The following TEAD1 variants were observed in gnomAD, a reference collection of about 807,000 sequenced individuals.
TEAD1 encodes TEA domain transcription factor 1, also known as transcriptional enhancer factor TEF-1.
TEAD1 carries 9 observed loss-of-function variants against 54.9 expected under a neutral mutation model. That is an observed-to-expected ratio of 0.16 (90% CI 0.10 to 0.29). The LOEUF is 0.29. Among genes scored for constraint, TEAD1 ranks in the 10% least tolerant of loss-of-function variants. TEAD1 has a pLI of 1.00. For missense variants in TEAD1, 387 were observed against 535.9 expected, an observed-to-expected ratio of 0.72 and a Z score of 2.74; for synonymous variants, 200 against 187.8, an observed-to-expected ratio of 1.07 and a Z score of -0.53.
At chr11:12,772,818 C>G (rs528821011) in intron 3 of TEAD1, among the ~76,000 whole-genome samples, 2 of 152,072 alleles carry the variant, frequency 1.3e-5, no homozygotes, top group Non-Finnish European at 2.9e-5. Flanking sequence ...TACTTGAACT[C>G]GTTTGTGTGT....
intron 3 of TEAD1, among the ~76,000 whole-genome samples, chr11:12,780,414 T>G (rs562820669): frequency 6.6e-6 from 1 of 152,072 alleles, no homozygotes; most frequent in East Asian, 1.9e-4. Context: ...CAGCTAAGTT[T>G]TGTATTTTTA....
At chr11:12,826,377 G>A (rs754304600) in intron 3 of TEAD1, among the ~76,000 whole-genome samples, 1 of 152,118 alleles carries the variant, frequency 6.6e-6, no homozygotes, top group Non-Finnish European at 1.5e-5. Context: ...TAAAGTTGTG[G>A]GACTTTGTAC....
chr11:12,760,975 C>G (rs1945091537), intron 2 of TEAD1, among the ~76,000 whole-genome samples: 1 of 152,186 alleles, frequency 6.6e-6, no homozygotes, highest in Non-Finnish European at 1.5e-5. Flanking sequence ...GATTATGTAT[C>G]TGGTAGTTTC....
chr11:12,930,361 G>A (rs1948991106), intron 12 of TEAD1, 35 bp downstream of exon 12: 1 of 1,613,146 alleles, frequency 6.2e-7, no homozygotes, highest in Non-Finnish European at 8.5e-7. Flanking sequence ...GTGGGCAGAT[G>A]CTGCCATGAG....
intron 2 of TEAD1, among the ~76,000 whole-genome samples, chr11:12,678,018 G>T (rs980330820): frequency 6.6e-6 from 1 of 152,200 alleles, no homozygotes; most frequent in African/African-American, 2.4e-5. Flanking sequence ...CAGACAGTAG[G>T]TGGATAACAC....
At chr11:12,903,519 A>G (rs1340103695) in intron 10 of TEAD1, among the ~76,000 whole-genome samples, 2 of 152,158 alleles carry the variant, frequency 1.3e-5, no homozygotes, top group African/African-American at 4.8e-5. Flanking sequence ...TCCATTATTG[A>G]AATTTGGTTA....
chr11:12,920,384 G>T (rs1948782796), intron 10 of TEAD1, among the ~76,000 whole-genome samples: 1 of 152,020 alleles, frequency 6.6e-6, no homozygotes, highest in Admixed American at 6.6e-5. Flanking sequence ...CTGTTTTAAG[G>T]TTGACAGTTT....
intron 2 of TEAD1, among the ~76,000 whole-genome samples, chr11:12,699,773 A>G (rs1429774479): frequency 6.6e-6 from 1 of 152,256 alleles, no homozygotes. Flanking sequence ...TTCGGTAACC[A>G]GAGACTCTAG....
intron 3 of TEAD1, among the ~76,000 whole-genome samples, chr11:12,816,963 T>A (rs1214126261): frequency 6.6e-6 from 1 of 152,170 alleles, no homozygotes; most frequent in Non-Finnish European, 1.5e-5. Context: ...GAATAGTGTT[T>A]CTTTCCATGT....
At position 12,730,694 on chromosome 11, in the gene TEAD1, CTTTTTTT is replaced by C. The variant is rs71313457; in HGVS notation, c.-54-33468_-54-33462del. On this transcript the variant is annotated intron_variant, in intron 2 of 12. Coordinates refer to ENST00000527636, the MANE Select transcript of TEAD1 (RefSeq NM_021961.6). ...GCCTACAGTGCTTTTCTACATAGCT[CTTTTTTT>C]TTTTTTTTTTTTTTTTGGAGATAGA... 5.9e-4 allele frequency among the ~76,000 whole-genome samples: 39 copies of C among 65,666 alleles called. 1 individual carries two copies. Among genetic ancestry groups the C allele is most frequent in the Admixed American group, 3.4e-3 (16 of 4,712 alleles). 43.1% of individuals were successfully genotyped at this position (65,666 alleles called of 152,430 possible). A position where few individuals can be genotyped will look rare whatever the true frequency, so the allele number is the denominator to read the frequency against.
Position 12,924,661 on chromosome 11 carries a change from C to G in TEAD1, c.874-251C>G, listed in dbSNP as rs1421886681. ...TTTATTGCAAGGGTATAGTAGTATT[C>G]TGATACTGAATGCAAGAAAGTAAAA... On this transcript the variant is annotated intron_variant, in intron 10 of 12. Transcript: ENST00000527636. Among the ~76,000 whole-genome samples the G allele has an allele frequency of 2.6e-5, 4 of 152,074 alleles. No individual in the cohort carries two copies. The South Asian group carries it at 8.3e-4, about 32-fold the overall frequency.
At chr11:12,858,981 G>A (rs1304603544) in intron 3 of TEAD1, among the ~76,000 whole-genome samples, 2 of 152,134 alleles carry the variant, frequency 1.3e-5, no homozygotes, top group Non-Finnish European at 2.9e-5. Flanking sequence ...TAAGACTTGG[G>A]TATCTAAACA....
chr11:12,876,647 G>A (rs1947859738), intron 5 of TEAD1, among the ~76,000 whole-genome samples: 1 of 152,190 alleles, frequency 6.6e-6, no homozygotes, highest in East Asian at 1.9e-4. Context: ...TGTAAGGCTT[G>A]TTCTGTGCTG....
intron 2 of TEAD1, among the ~76,000 whole-genome samples, chr11:12,714,728 C>G (rs776440822): frequency 6.6e-6 from 1 of 152,146 alleles, no homozygotes; most frequent in South Asian, 2.1e-4. Context: ...GGTCCAAGAT[C>G]AAGATGCCAG....
chr11:12,918,878 A>G (rs998004293), intron 10 of TEAD1, among the ~76,000 whole-genome samples: 2 of 152,228 alleles, frequency 1.3e-5, no homozygotes, highest in Non-Finnish European at 2.9e-5. Flanking sequence ...AAACAAAACT[A>G]AACACTGTAA....
intron 9 of TEAD1, among the ~76,000 whole-genome samples, chr11:12,893,713 G>A (rs756593422): frequency 9.2e-5 from 14 of 152,118 alleles, no homozygotes; most frequent in South Asian, 2.1e-4. Context: ...GATGCATCTC[G>A]GTGTGAGATC....
chr11:12,853,146 G>A (rs1947307747), intron 3 of TEAD1, among the ~76,000 whole-genome samples: 1 of 152,186 alleles, frequency 6.6e-6, no homozygotes, highest in Non-Finnish European at 1.5e-5. Context: ...AGGTTTCTTG[G>A]AGGGGACATC....
Position 12,933,913 on chromosome 11 carries a change from T to C in TEAD1, c.1168-3196T>C, listed in dbSNP as rs975142160. ...AGGTCCTGGAGAGGATGTGGAGAAATAGGAACACTTTTACACTGTTGTTGG... is the reference window on the plus strand; with the variant it reads ...AGGTCCTGGAGAGGATGTGGAGAAACAGGAACACTTTTACACTGTTGTTGG... On this transcript the variant is annotated intron_variant, in intron 12 of 12. Coordinates refer to ENST00000527636, the MANE Select transcript of TEAD1 (RefSeq NM_021961.6). Among the ~76,000 whole-genome samples the C allele has an allele frequency of 2.6e-5, 4 of 152,102 alleles. No individual in the cohort carries two copies. In the East Asian group the frequency reaches 7.7e-4, roughly 29 times the overall value.
intron 5 of TEAD1, among the ~76,000 whole-genome samples, chr11:12,873,007 G>A (rs1947785131): frequency 6.6e-6 from 1 of 152,190 alleles, no homozygotes; most frequent in African/African-American, 2.4e-5. Context: ...TCACAAGTCT[G>A]AAGTTAATCC....
Sources: allele counts gnomAD v4.1 joint callset (sites outside exome capture counted in the v4.1 genomes callset), GRCh38; gene constraint gnomAD v4.1.1; transcripts MANE v1.5; gene names NCBI Gene and HGNC (gene_info 2026-07-23, HGNC 2026-07-21).